Variants in CYP51A1 observed in about 807,000 individuals in gnomAD.
The protein encoded by CYP51A1 is cytochrome P450 family 51 subfamily A member 1.
A neutral mutation model predicts 53.5 loss-of-function variants in CYP51A1; 45 were observed. The ratio of observed to expected loss-of-function variants is 0.84; its 90% CI spans 0.66 to 1.08. The LOEUF is 1.08. CYP51A1 is among the 50% of genes least tolerant of loss of function. The pLI, the probability that CYP51A1 is intolerant of heterozygous loss-of-function variation, is 0.00. For synonymous variants in CYP51A1, 181 were observed against 217.7 expected, an observed-to-expected ratio of 0.83 and a Z score of 1.48; for missense variants, 462 against 621.7, an observed-to-expected ratio of 0.74 and a Z score of 2.73.
intron 3 of CYP51A1, among the ~76,000 whole-genome samples, chr7:92,128,334 G>A (rs1206450995): frequency 6.6e-6 from 1 of 151,940 alleles, no homozygotes; most frequent in Non-Finnish European, 1.5e-5. Flanking sequence ...TTACTTATCA[G>A]TTATCCATGG....
Position 92,117,181 on chromosome 7 carries a change from T to C in CYP51A1, c.1214A>G (p.His405Arg). 6.2e-7 allele frequency: 1 copy of C among 1,614,100 alleles called. No individual in the cohort carries two copies. The highest frequency in any genetic ancestry group is 8.5e-7 in the Non-Finnish European group (1 of 1,179,984). ...TVAGYTIPPG[H>R]QVCVSPTVNQ... ...GACAGTGGGAGAAACACACACCTGA[T>C]GTCCTGGAGGAATGGTATACCCTGC... Residue 405 changes from histidine (H) to arginine (R), a missense_variant, in exon 9 of 10, where the codon CAT becomes CGT. Transcript: ENST00000003100.
rs1488594075 is a variant in CYP51A1 at position 92,127,026 on chromosome 7, G to A, written c.595+479C>T. ...ATCATCTGGCTTTCCAATTATATTTGTCAATAAAAAGAATATCAGTAAATA... is the reference window on the plus strand; with the variant it reads ...ATCATCTGGCTTTCCAATTATATTTATCAATAAAAAGAATATCAGTAAATA... On this transcript the variant is annotated intron_variant, in intron 4 of 9. Coordinates refer to ENST00000003100, the MANE Select transcript of CYP51A1 (RefSeq NM_000786.4). Among the ~76,000 whole-genome samples, 5 of 152,184 alleles carry A rather than the reference G, an allele frequency of 3.3e-5. No homozygotes were observed. In the East Asian group the frequency reaches 9.6e-4, roughly 29 times the overall value.
At chr7:92,123,612 A>G (rs1584634245) in intron 6 of CYP51A1, 122 bp downstream of exon 6, 19 of 961,276 alleles carry the variant, frequency 2.0e-5, no homozygotes, top group Middle Eastern at 3.4e-4. Context: ...AAAGAGTCCA[A>G]AGATCACAGC....
intron 6 of CYP51A1, 51 bp downstream of exon 6, chr7:92,123,683 T>C (rs1210142119): frequency 1.3e-6 from 2 of 1,518,600 alleles, no homozygotes; most frequent in East Asian, 4.6e-5. Context: ...AACTGTGTTT[T>C]AATGTGTAAT....
intron 5 of CYP51A1, among the ~76,000 whole-genome samples, chr7:92,124,918 C>T (rs566659834): frequency 2.0e-5 from 3 of 152,066 alleles, no homozygotes; most frequent in Admixed American, 2.0e-4. Context: ...CCGAGGCGGG[C>T]GGATCACAAG....
chr7:92,118,726 A>G (rs1819627671), intron 7 of CYP51A1, 111 bp from the exon 8 acceptor site: 2 of 667,512 alleles, frequency 3.0e-6, no homozygotes, highest in African/African-American at 1.8e-5. Context: ...AGCTAAAAGT[A>G]CAGAGGTAAC....
At position 92,129,068 on chromosome 7, in the gene CYP51A1, A is replaced by G; in HGVS notation, c.292-12T>C. 6.3e-6 allele frequency: 10 copies of G among 1,595,024 alleles called. No homozygotes were observed. The highest frequency in any genetic ancestry group is 7.7e-6 in the Non-Finnish European group (9 of 1,167,636). ...AATACAGGTCCATACTAAAAAGAGA[A>G]AAGTACATATAGTGATGTTACAAAA... On this transcript the variant is annotated splice_polypyrimidine_tract_variant and intron_variant, in intron 2 of 9. Transcript: ENST00000003100.
chr7:92,115,329 G>C (rs552960518), intron 9 of CYP51A1, among the ~76,000 whole-genome samples: 1 of 152,290 alleles, frequency 6.6e-6, no homozygotes, highest in South Asian at 2.1e-4. Flanking sequence ...AATTATTTAA[G>C]ATGAGATGAC....
At position 92,127,486 on chromosome 7, in the gene CYP51A1, C is replaced by A. The variant is rs1819823534; in HGVS notation, c.595+19G>T. On this transcript the variant is annotated intron_variant, in intron 4 of 9. Coordinates refer to ENST00000003100, the MANE Select transcript of CYP51A1 (RefSeq NM_000786.4). ...AGAGAAGTAGAAATGTTAGGACAAA[C>A]ATAAAACATTTTGCTTACTTTTTTC... is the stretch of plus-strand genomic sequence containing the variant. The A allele has an allele frequency of 6.2e-7, 1 of 1,601,338 alleles. No individual in the cohort carries two copies. The highest frequency in any genetic ancestry group is 8.5e-7 in the Non-Finnish European group (1 of 1,175,186).
In CYP51A1 at chr7:92,134,372, G is replaced by A; in HGVS notation, c.-8C>T. On this transcript the variant is annotated 5_prime_UTR_variant, in exon 1 of 10. It adds an upstream start codon to the 5' untranslated region. Transcript: ENST00000003100. ...CCCAGCCGCCGCCGCCATTCACTCC[G>A]TCGGAAACACTGAAGGCCGAGGTCG... is the stretch of plus-strand genomic sequence containing the variant. The A allele has an allele frequency of 1.3e-6, 2 of 1,568,202 alleles. No homozygotes were observed. The highest frequency in any genetic ancestry group is 1.4e-5 in the African/African-American group (1 of 73,418).
Position 92,123,765 on chromosome 7 carries a change from T to C in CYP51A1, c.859A>G (p.Ile287Val), listed in dbSNP as rs1394288826. The C allele has an allele frequency of 1.9e-6, 3 of 1,608,876 alleles. No homozygotes were observed. The highest frequency in any genetic ancestry group is 2.5e-6 in the Non-Finnish European group (3 of 1,178,384). Residue 287 changes from isoleucine to valine, a missense_variant, in exon 6 of 10, where the codon ATT (isoleucine) becomes GTT (valine). Ile to Val is a conservative substitution (Grantham distance 29, BLOSUM62 3). Transcript: ENST00000003100. ...GTAGCATCTAGTAAAGTTTGGAGAA[T>C]GTCATCAATTTTTTCTTGAGACTGT... is the stretch of plus-strand genomic sequence containing the variant. ...RRQSQEKIDD[I>V]LQTLLDATYK...
At chr7:92,122,902 C>A (rs746306439) in intron 7 of CYP51A1, among the ~76,000 whole-genome samples, 6 of 152,302 alleles carry the variant, frequency 3.9e-5, no homozygotes, top group Non-Finnish European at 8.8e-5. Context: ...CCCCAAGGAT[C>A]TCTAAGCCAT....
At chr7:92,134,136 G>A (rs775669004) in intron 1 of CYP51A1, 37 bp downstream of exon 1, 1 of 1,600,304 alleles carries the variant, frequency 6.2e-7, no homozygotes. Flanking sequence ...CTCAGCTGCG[G>A]CGCGCGCCCC....
chr7:92,120,882 T>C (rs757127633), intron 7 of CYP51A1, among the ~76,000 whole-genome samples: 2 of 151,922 alleles, frequency 1.3e-5, no homozygotes, highest in East Asian at 1.9e-4. Flanking sequence ...AGACAACTCA[T>C]TTTAAATATG....
intron 2 of CYP51A1, 23 bp downstream of exon 2, chr7:92,131,751 C>A: frequency 9.4e-7 from 1 of 1,060,496 alleles, no homozygotes; most frequent in Admixed American, 2.5e-5. Flanking sequence ...TTTTTTTTTC[C>A]TCTAATTATT....
chr7:92,123,084 C>T, intron 7 of CYP51A1, 36 bp downstream of exon 7: 1 of 1,532,514 alleles, frequency 6.5e-7, no homozygotes, highest in Non-Finnish European at 9.0e-7. Context: ...TCCTCAAAGT[C>T]ATAAGGCAGC....
At chr7:92,132,347 C>T (rs1441794725) in intron 1 of CYP51A1, among the ~76,000 whole-genome samples, 1 of 152,208 alleles carries the variant, frequency 6.6e-6, no homozygotes, top group African/African-American at 2.4e-5. Flanking sequence ...AACCTATGCA[C>T]ATCCTCTCAT....
chr7:92,114,908 A>G (rs1303574011), intron 9 of CYP51A1, among the ~76,000 whole-genome samples: 1 of 152,252 alleles, frequency 6.6e-6, no homozygotes, highest in Non-Finnish European at 1.5e-5. Flanking sequence ...AGTGCTTAGC[A>G]CAGTGCTTGC....
rs312262911 is a variant in CYP51A1, at chr7:92,134,401, C to G, written c.-37G>C. 8.6e-6 allele frequency: 13 copies of G among 1,516,634 alleles called. No individual in the cohort carries two copies. Among genetic ancestry groups the G allele is most frequent in the Non-Finnish European group, 1.2e-5 (13 of 1,126,342 alleles). 93.9% of individuals were successfully genotyped at this position (1,516,634 alleles called of 1,614,324 possible). A position where few individuals can be genotyped will look rare whatever the true frequency, so the allele number is the denominator to read the frequency against. ...GAAACACTGAAGGCCGAGGTCGCCA[C>G]CGCTCCTCCCAATCGACGGAACGAG... On this transcript the variant is annotated 5_prime_UTR_variant, in exon 1 of 10. Coordinates refer to ENST00000003100, the MANE Select transcript of CYP51A1 (RefSeq NM_000786.4).
Sources: allele counts gnomAD v4.1 joint callset (sites outside exome capture counted in the v4.1 genomes callset), GRCh38; gene constraint gnomAD v4.1.1; transcripts MANE v1.5; gene names NCBI Gene and HGNC (gene_info 2026-07-23, HGNC 2026-07-21).